MTMR7: variants seen among roughly 807,000 people sequenced by gnomAD.
MTMR7 encodes the protein myotubularin related protein 7.
MTMR7 carries 76 observed loss-of-function variants against 81.2 expected under a neutral mutation model. The ratio of observed to expected loss-of-function variants is 0.94; its 90% CI spans 0.78 to 1.13. The LOEUF is 1.13. Ranked by LOEUF, MTMR7 falls within the 50% of genes most tolerant of loss-of-function variation. The probability of loss-of-function intolerance (pLI) is 0.00; values close to 1 mark genes in which losing one functional copy is unlikely to be tolerated. For missense variants in MTMR7, 1,044 were observed against 820.0 expected (o/e 1.27, Z -3.34); for synonymous variants, 372 against 289.8 (o/e 1.28, Z -2.88).
chr8:17,373,330 C>A (rs1449042120), intron 1 of MTMR7, 90 bp from the exon 2 acceptor site: 2 of 1,423,560 alleles, frequency 1.4e-6, no homozygotes, highest in East Asian at 4.9e-5. Context: ...CACACTTACT[C>A]CAAAATACAA....
chr8:17,373,271 C>A, intron 1 of MTMR7, 31 bp from the exon 2 acceptor site: 1 of 1,590,960 alleles, frequency 6.3e-7, no homozygotes, highest in South Asian at 1.1e-5. Context: ...AAAAGAGTTA[C>A]CGTAAAGCAG....
At chr8:17,356,047 T>C (rs577351567) in intron 4 of MTMR7, among the ~76,000 whole-genome samples, 3 of 152,314 alleles carry the variant, frequency 2.0e-5, no homozygotes, top group African/African-American at 7.2e-5. Flanking sequence ...GAAATCCCAC[T>C]TTCATCCTTG....
chr8:17,389,697 A>G (rs955949362), intron 1 of MTMR7, among the ~76,000 whole-genome samples: 1 of 152,222 alleles, frequency 6.6e-6, no homozygotes. Flanking sequence ...TTCAGACAGG[A>G]AGTTAGGAAA....
In MTMR7 at chr8:17,349,046, G is replaced by C. The variant is rs749744504; in HGVS notation, c.504C>G (p.Pro168=). 3 of 1,612,398 alleles carry C rather than the reference G, an allele frequency of 1.9e-6. No homozygotes were observed. The highest frequency in any genetic ancestry group is 2.7e-5 in the African/African-American group (2 of 74,266). ...CTATGATGTGTGCCGTGGCCGATTTGGGAACGTACAGTTCAGTAGGATAAG... is the reference window on the plus strand; with the variant it reads ...CTATGATGTGTGCCGTGGCCGATTTCGGAACGTACAGTTCAGTAGGATAAG... ...CDSYPTELYV[P]KSATAHIIVG... The change falls in exon 5 of 14, where the codon CCC becomes CCG. Residue 168 remains proline, a synonymous_variant. Transcript: ENST00000180173.
intron 4 of MTMR7, among the ~76,000 whole-genome samples, chr8:17,359,010 C>T (rs964241589): frequency 5.3e-5 from 8 of 152,104 alleles, no homozygotes; most frequent in African/African-American, 1.9e-4. Context: ...CCTCCAGCCT[C>T]GACCTCCCAA....
intron 8 of MTMR7, 105 bp downstream of exon 8, chr8:17,313,187 T>C: frequency 2.6e-6 from 2 of 762,772 alleles, no homozygotes; most frequent in Non-Finnish European, 4.4e-6. Flanking sequence ...ATCCAGTCAG[T>C]GCAGTGCAGC....
intron 1 of MTMR7, among the ~76,000 whole-genome samples, chr8:17,376,214 C>A (rs1820582892): frequency 6.6e-6 from 1 of 152,202 alleles, no homozygotes; most frequent in Non-Finnish European, 1.5e-5. Flanking sequence ...ACTTAGCAAT[C>A]ATGTTCTCAA....
intron 1 of MTMR7, among the ~76,000 whole-genome samples, chr8:17,410,648 T>C (rs192687798): frequency 1.3e-5 from 2 of 152,314 alleles, no homozygotes; most frequent in Admixed American, 6.5e-5. Context: ...ATATGCTCTG[T>C]TAAAGGCTTC....
At chr8:17,329,972 G>T (rs953817583) in intron 7 of MTMR7, among the ~76,000 whole-genome samples, 1 of 152,170 alleles carries the variant, frequency 6.6e-6, no homozygotes, top group African/African-American at 2.4e-5. Flanking sequence ...CTACAGAGGG[G>T]CATCAAACTG....
chr8:17,347,655 C>T (rs1341491071), intron 5 of MTMR7, among the ~76,000 whole-genome samples: 1 of 152,160 alleles, frequency 6.6e-6, no homozygotes, highest in Admixed American at 6.5e-5. Context: ...TTTTAAACCA[C>T]CTTTTTTAAA....
Position 17,390,707 on chromosome 8 carries a change from T to C in MTMR7, c.25-17467A>G, listed in dbSNP as rs141847211. Among the ~76,000 whole-genome samples, 24 of 152,260 alleles carry C rather than the reference T, an allele frequency of 1.6e-4. No individual in the cohort carries two copies. In the East Asian group the frequency reaches 4.5e-3, roughly 28 times the overall value. The stretch of plus-strand genomic sequence containing the variant: ...GGAGGCCTCAGGAAACTTACAATCA[T>C]GGCAGACGAGGAAGCAAACACATCG... On this transcript the variant is annotated intron_variant, in intron 1 of 13. Coordinates refer to ENST00000180173, the MANE Select transcript of MTMR7 (RefSeq NM_004686.5).
At chr8:17,402,280 AATT>A (rs753532469) in intron 1 of MTMR7, among the ~76,000 whole-genome samples, 37 of 152,140 alleles carry the variant, frequency 2.4e-4, no homozygotes, top group Non-Finnish European at 4.0e-4. Flanking sequence ...TAAAATGCTA[AATT>A]ATTATTATTT....
intron 6 of MTMR7, among the ~76,000 whole-genome samples, chr8:17,338,186 C>A (rs13259354): frequency 6.6e-6 from 1 of 152,174 alleles, no homozygotes; most frequent in African/African-American, 2.4e-5. Flanking sequence ...ATGGCTTGTA[C>A]GAAACCCCAG....
At chr8:17,390,530 G>A (rs1204039241) in intron 1 of MTMR7, among the ~76,000 whole-genome samples, 2 of 152,116 alleles carry the variant, frequency 1.3e-5, no homozygotes, top group Non-Finnish European at 2.9e-5. Flanking sequence ...AAGATTCCTA[G>A]AGAGGAAATT....
chr8:17,376,893 T>A (rs10435703), intron 1 of MTMR7, among the ~76,000 whole-genome samples: 1 of 152,028 alleles, frequency 6.6e-6, no homozygotes, highest in Admixed American at 6.5e-5. Context: ...TAGCCCTAAA[T>A]TATCAATAAT....
rs530240881 is a variant in MTMR7 at position 17,408,395 on chromosome 8, CAAAAAAAAAAA to C, written c.24+4863_24+4873del. On this transcript the variant is annotated intron_variant, in intron 1 of 13. Transcript: ENST00000180173. ...TGGGCGACAGAGCGAGACTCCGTCT[CAAAAAAAAAAA>C]AAAAAAAAAAAAGAACATCATGGAT... Among the ~76,000 whole-genome samples, 4 of 23,486 alleles carry C rather than the reference CAAAAAAAAAAA, an allele frequency of 1.7e-4. 1 individual carries two copies. Among genetic ancestry groups the C allele is most frequent in the African/African-American group, 2.8e-4 (3 of 10,630 alleles). The allele number at this position is 23,486 out of a possible 152,430, so 15.4% of individuals were successfully genotyped here.
At chr8:17,341,973 T>C (rs1192139873) in intron 5 of MTMR7, among the ~76,000 whole-genome samples, 2 of 151,902 alleles carry the variant, frequency 1.3e-5, no homozygotes, top group South Asian at 4.2e-4. Context: ...CAAAAACCAA[T>C]TCTAATTCTA....
intron 6 of MTMR7, among the ~76,000 whole-genome samples, chr8:17,334,541 T>G (rs1481336835): frequency 6.6e-6 from 1 of 151,278 alleles, no homozygotes; most frequent in Non-Finnish European, 1.5e-5. Context: ...AAAAATACCC[T>G]GTTTCCTAAC....
intron 4 of MTMR7, among the ~76,000 whole-genome samples, chr8:17,357,755 A>C (rs1819940012): frequency 6.6e-6 from 1 of 152,234 alleles, no homozygotes; most frequent in South Asian, 2.1e-4. Flanking sequence ...ATGCTGGAGC[A>C]AGAGACAATT....
Sources: allele counts gnomAD v4.1 joint callset (sites outside exome capture counted in the v4.1 genomes callset), GRCh38; gene constraint gnomAD v4.1.1; transcripts MANE v1.5; gene names NCBI Gene and HGNC (gene_info 2026-07-23, HGNC 2026-07-21).